SMG5: variants seen among roughly 807,000 people sequenced by gnomAD.
SMG5 encodes SMG5 nonsense mediated mRNA decay factor.
SMG5 carries 53 observed loss-of-function variants against 122.9 expected under a neutral mutation model. The ratio of observed to expected loss-of-function variants is 0.43; its 90% CI spans 0.35 to 0.54. The LOEUF is 0.54. Among genes scored for constraint, SMG5 ranks in the 20% least tolerant of loss-of-function variants. The pLI is 0.01. For missense variants in SMG5, 1,153 were observed against 1,285.6 expected (o/e 0.90, Z 1.58); for synonymous variants, 477 against 490.2 (o/e 0.97, Z 0.35).
chr1:156,277,456 C>T lies in SMG5; in HGVS notation c.298-215G>A, dbSNP rs1215261888. 1.3e-5 allele frequency among the ~76,000 whole-genome samples: 2 copies of T among 151,944 alleles called. 1 individual carries two copies. The highest frequency in any genetic ancestry group is 2.9e-5 in the Non-Finnish European group (2 of 67,970). Reference sequence around the variant, plus strand: ...AATCCTAATTACATCTGACTCTCTTCCTCCTTCCCTAATCCTAATTACATC... The same window carrying T: ...AATCCTAATTACATCTGACTCTCTTTCTCCTTCCCTAATCCTAATTACATC... On this transcript the variant is annotated intron_variant, in intron 3 of 21. Transcript: ENST00000361813.
chr1:156,252,848 A>C, intron 18 of SMG5, 71 bp downstream of exon 18: 3 of 1,434,604 alleles, frequency 2.1e-6, no homozygotes, highest in Non-Finnish European at 2.8e-6. Context: ...GCCCCAAATA[A>C]GGTCTCTTAA....
chr1:156,263,564 T>TGAGG lies in SMG5; in HGVS notation c.1861_1862insCCTC (p.Glu621AlafsTer6). 6.2e-7 allele frequency: 1 copy of TGAGG among 1,613,074 alleles called. No individual in the cohort carries two copies. The highest frequency in any genetic ancestry group is 8.5e-7 in the Non-Finnish European group (1 of 1,179,354). ...ACTCCCCTCCGACTCAGAGCCCTCCTCAGAGGCTGGGGGGTGGGTGAATGG... is the reference window on the plus strand; with the variant it reads ...ACTCCCCTCCGACTCAGAGCCCTCCTGAGGCAGAGGCTGGGGGGTGGGTGAATGG... On this transcript the variant is annotated frameshift_variant, in exon 13 of 22. Coordinates refer to ENST00000361813, the MANE Select transcript of SMG5 (RefSeq NM_015327.3). LOFTEE classifies it high-confidence loss of function.
At chr1:156,279,315 A>C (rs2101573241) in intron 1 of SMG5, among the ~76,000 whole-genome samples, 1 of 150,000 alleles carries the variant, frequency 6.7e-6, no homozygotes, top group Middle Eastern at 3.4e-3. Flanking sequence ...ACTGGCATTT[A>C]GTGGGTGCTG....
upstream of SMG5, chr1:156,286,025 G>A: frequency 6.4e-7 from 1 of 1,571,128 alleles, no homozygotes; most frequent in Non-Finnish European, 8.6e-7. Flanking sequence ...AAGTGGACTT[G>A]AGGAGGGCAG....
upstream of SMG5, chr1:156,285,050 C>T: frequency 1.7e-6 from 1 of 604,134 alleles, no homozygotes. Context: ...TCCTCTGTAC[C>T]ACGTTCTCCC....
At chr1:156,274,203 ATC>A (rs1208139781) in intron 5 of SMG5, among the ~76,000 whole-genome samples, 1 of 152,224 alleles carries the variant, frequency 6.6e-6, no homozygotes, top group African/African-American at 2.4e-5. Flanking sequence ...CCTTAGAAAC[ATC>A]TGTTAGGAAG....
At chr1:156,259,363 C>T (rs753926036) in intron 15 of SMG5, among the ~76,000 whole-genome samples, 200 bp from the exon 16 acceptor site, 3 of 152,118 alleles carry the variant, frequency 2.0e-5, no homozygotes, top group South Asian at 2.1e-4. Context: ...TGCCAGAAAA[C>T]GAGTAGGTAC....
In SMG5 at chr1:156,266,523, C is replaced by G. The variant is rs989699300; in HGVS notation, c.1255+18G>C. 2 of 1,614,114 alleles carry G rather than the reference C, an allele frequency of 1.2e-6. No homozygotes were observed. The highest frequency in any genetic ancestry group is 1.7e-6 in the Non-Finnish European group (2 of 1,180,006). ...CACACCAACCTTTCCATAGTGATGACCTCCCCGATTCTCCCACCTGTGCCA... is the reference window on the plus strand; with the variant it reads ...CACACCAACCTTTCCATAGTGATGAGCTCCCCGATTCTCCCACCTGTGCCA... On this transcript the variant is annotated intron_variant, in intron 11 of 21. Transcript: ENST00000361813.
chr1:156,262,431 G>C lies in SMG5; in HGVS notation c.2031+964C>G, dbSNP rs192409476. ...GCGGAACTTGCAGTGAGCCGAAATC[G>C]TGCCACTGCACTCCAGCCTGGGCGA... is the stretch of plus-strand genomic sequence containing the variant. On this transcript the variant is annotated intron_variant, in intron 13 of 21. Coordinates refer to ENST00000361813, the MANE Select transcript of SMG5 (RefSeq NM_015327.3). 2.1e-5 allele frequency among the ~76,000 whole-genome samples: 3 copies of C among 146,216 alleles called. No individual in the cohort carries two copies. In the Admixed American group the frequency reaches 2.1e-4, roughly 10 times the overall value.
At chr1:156,264,097 G>T (rs1326230106) in intron 12 of SMG5, among the ~76,000 whole-genome samples, 1 of 151,732 alleles carries the variant, frequency 6.6e-6, no homozygotes, top group African/African-American at 2.4e-5. Flanking sequence ...GTGAAACCCT[G>T]TCTCTACTAA....
At position 156,273,341 on chromosome 1, in the gene SMG5, C is replaced by A; in HGVS notation, c.634+20G>T. 1 of 1,606,236 alleles carries A rather than the reference C, an allele frequency of 6.2e-7. No homozygotes were observed. The highest frequency in any genetic ancestry group is 8.5e-7 in the Non-Finnish European group (1 of 1,173,848). On this transcript the variant is annotated intron_variant, in intron 6 of 21. Transcript: ENST00000361813. The stretch of plus-strand genomic sequence containing the variant: ...GGAAAACCCTACTGGATTCAGAGGC[C>A]CAAGTTGGGGACAACTTACCAATCT...
chr1:156,259,957 T>G, intron 15 of SMG5, among the ~76,000 whole-genome samples: 1 of 152,202 alleles, frequency 6.6e-6, no homozygotes, highest in East Asian at 1.9e-4. Context: ...GGTTTATGTA[T>G]GTCAGGACTG....
intron 19 of SMG5, 118 bp downstream of exon 19, chr1:156,252,296 G>A (rs1304014637): frequency 1.2e-6 from 1 of 849,058 alleles, no homozygotes; most frequent in Non-Finnish European, 1.9e-6. Context: ...TGAGCTAACT[G>A]TGAGTAGAGA....
intron 16 of SMG5, among the ~76,000 whole-genome samples, chr1:156,258,464 C>CA: frequency 6.6e-6 from 1 of 152,346 alleles, no homozygotes; most frequent in South Asian, 2.1e-4. Flanking sequence ...AACCCCAGGT[C>CA]AGTCTGGGTA....
intron 7 of SMG5, among the ~76,000 whole-genome samples, chr1:156,270,736 G>A (rs951982761): frequency 6.6e-6 from 1 of 152,178 alleles, no homozygotes; most frequent in African/African-American, 2.4e-5. Flanking sequence ...AGCCGGGCAC[G>A]GTGGCTCACG....
chr1:156,261,184 C>A (rs1661807718), intron 14 of SMG5, 149 bp downstream of exon 14: 1 of 760,472 alleles, frequency 1.3e-6, no homozygotes, highest in South Asian at 1.6e-5. Context: ...GAGGCCTAGA[C>A]CACACAATGA....
chr1:156,272,538 G>A, intron 6 of SMG5, 140 bp from the exon 7 acceptor site: 1 of 660,450 alleles, frequency 1.5e-6, no homozygotes, highest in South Asian at 1.7e-5. Flanking sequence ...CAGGTGATTA[G>A]CAGCTTAATC....
intron 4 of SMG5, 44 bp from the exon 5 acceptor site, chr1:156,274,730 C>T (rs764556791): frequency 6.6e-7 from 1 of 1,504,764 alleles, no homozygotes; most frequent in Non-Finnish European, 9.2e-7. Flanking sequence ...ATTCTTCTGC[C>T]TTCCCGCACC....
chr1:156,277,149 C>G lies in SMG5; in HGVS notation c.390G>C (p.Gln130His). The change falls in exon 4 of 22, where the codon CAG becomes CAC. Residue 130 changes from glutamine to histidine, a missense_variant. Coordinates refer to ENST00000361813, the MANE Select transcript of SMG5 (RefSeq NM_015327.3). ...GFYQHLLLYI[Q>H]SHYQLELQCC... Reference sequence around the variant, plus strand: ...ACTGCAGTTCCAGCTGGTAGTGGGACTGGATATAGAGAAGGAGATGCTGGT... The same window carrying G: ...ACTGCAGTTCCAGCTGGTAGTGGGAGTGGATATAGAGAAGGAGATGCTGGT... 2 of 1,613,996 alleles carry G rather than the reference C, an allele frequency of 1.2e-6. No homozygotes were observed. Among genetic ancestry groups the G allele is most frequent in the Non-Finnish European group, 1.7e-6 (2 of 1,179,968 alleles).
Sources: gnomAD v4.1 joint callset for allele counts (sites outside exome capture counted in the v4.1 genomes callset) on GRCh38, gnomAD v4.1.1 for gene constraint, MANE v1.5 for transcripts, NCBI Gene and HGNC (gene_info 2026-07-23, HGNC 2026-07-21) for gene names.